The following TMEM132D variants were observed in gnomAD, a reference collection of about 807,000 sequenced individuals.
TMEM132D encodes transmembrane protein 132D, also known as mature OL transmembrane protein.
Under a neutral mutation model 62.3 loss-of-function variants are expected in TMEM132D, and 21 were observed. The observed-to-expected ratio is 0.34, with a 90% CI of 0.24 to 0.49. The LOEUF (loss-of-function observed/expected upper bound fraction) is 0.49, where lower values mean the gene tolerates loss of function less well. Among genes scored for constraint, TMEM132D ranks in the 20% least tolerant of loss-of-function variants. The probability of loss-of-function intolerance (pLI) is 0.99; values close to 1 mark genes in which losing one functional copy is unlikely to be tolerated. For synonymous variants in TMEM132D, 621 were observed against 575.6 expected, an observed-to-expected ratio of 1.08 and a Z score of -1.13; for missense variants, 1,346 against 1,402.8, an observed-to-expected ratio of 0.96 and a Z score of 0.65.
intron 4 of TMEM132D, among the ~76,000 whole-genome samples, chr12:129,244,200 G>A (rs1042769635): frequency 6.7e-5 from 10 of 149,748 alleles, no homozygotes; most frequent in Non-Finnish European, 1.0e-4. Context: ...CCTGGCTAAC[G>A]CGGTGAAACC....
chr12:129,254,705 A>G (rs1338282558), intron 4 of TMEM132D, among the ~76,000 whole-genome samples: 1 of 152,188 alleles, frequency 6.6e-6, no homozygotes, highest in Non-Finnish European at 1.5e-5. Context: ...GACCACATCC[A>G]GCACAGGCAC....
intron 5 of TMEM132D, among the ~76,000 whole-genome samples, chr12:129,183,097 C>T (rs1331041454): frequency 6.6e-6 from 1 of 152,212 alleles, no homozygotes; most frequent in Admixed American, 6.5e-5. Context: ...CTTACCAAAC[C>T]TCTGGTTGCA....
At chr12:129,533,221 C>T (rs986787516) in intron 2 of TMEM132D, among the ~76,000 whole-genome samples, 4 of 152,278 alleles carry the variant, frequency 2.6e-5, no homozygotes, top group Admixed American at 6.5e-5. Context: ...CATGCAAACA[C>T]TTTGAATGCA....
intron 2 of TMEM132D, among the ~76,000 whole-genome samples, chr12:129,696,922 G>A (rs1881221255): frequency 6.6e-6 from 1 of 152,212 alleles, no homozygotes. Flanking sequence ...CAGCAGGGTA[G>A]AACAGAGGTT....
intron 5 of TMEM132D, among the ~76,000 whole-genome samples, chr12:129,140,214 CCACACACA>C (rs58179230): frequency 1.3e-5 from 2 of 148,550 alleles, no homozygotes; most frequent in African/African-American, 2.5e-5. Flanking sequence ...GGCGCTGTTA[CCACACACA>C]CACACACACA....
chr12:129,119,028 A>G (rs1358505694), intron 5 of TMEM132D, among the ~76,000 whole-genome samples: 1 of 152,234 alleles, frequency 6.6e-6, no homozygotes, highest in African/African-American at 2.4e-5. Flanking sequence ...GAGAGGGGCA[A>G]TGACATCTAC....
At chr12:129,439,933 A>G (rs1192886602) in intron 3 of TMEM132D, among the ~76,000 whole-genome samples, 1 of 152,178 alleles carries the variant, frequency 6.6e-6, no homozygotes, top group African/African-American at 2.4e-5. Flanking sequence ...TGCTTGAAGG[A>G]TTATGTCATG....
intron 3 of TMEM132D, among the ~76,000 whole-genome samples, chr12:129,520,000 T>C (rs1269482366): frequency 6.6e-6 from 1 of 152,180 alleles, no homozygotes; most frequent in African/African-American, 2.4e-5. Flanking sequence ...TAAAGGGCTC[T>C]AGGAATATGA....
chr12:129,171,792 A>G (rs752825960), intron 5 of TMEM132D, among the ~76,000 whole-genome samples: 20 of 152,338 alleles, frequency 1.3e-4, no homozygotes, highest in Admixed American at 1.1e-3. Flanking sequence ...TTAGTAAACC[A>G]TGCTACAAAC....
At chr12:129,781,072 G>C (rs192585771) in intron 1 of TMEM132D, among the ~76,000 whole-genome samples, 1 of 152,184 alleles carries the variant, frequency 6.6e-6, no homozygotes, top group African/African-American at 2.4e-5. Flanking sequence ...GAATGACAAG[G>C]AGTTATGCCA....
chr12:129,316,350 T>C (rs1003760180), intron 4 of TMEM132D, among the ~76,000 whole-genome samples: 2 of 152,176 alleles, frequency 1.3e-5, no homozygotes, highest in African/African-American at 2.4e-5. Context: ...TGTGCCATTA[T>C]TGTCATTCGG....
chr12:129,428,210 A>C (rs1028245922), intron 3 of TMEM132D, among the ~76,000 whole-genome samples: 4 of 152,236 alleles, frequency 2.6e-5, no homozygotes, highest in Non-Finnish European at 5.9e-5. Context: ...TTAAAATTGG[A>C]TACTTTAAAA....
intron 1 of TMEM132D, among the ~76,000 whole-genome samples, chr12:129,870,141 C>A (rs1874193056): frequency 6.6e-6 from 1 of 152,104 alleles, no homozygotes; most frequent in African/African-American, 2.4e-5. Flanking sequence ...TGCCACCATG[C>A]CCAGCTAATT....
Position 129,731,914 on chromosome 12 carries a change from G to A in TMEM132D, c.80-31216C>T, listed in dbSNP as rs951901245. Among the ~76,000 whole-genome samples, 21 of 152,174 alleles carry A rather than the reference G, an allele frequency of 1.4e-4. No individual in the cohort carries two copies. In the East Asian group the frequency reaches 3.5e-3, roughly 25 times the overall value. On this transcript the variant is annotated intron_variant, in intron 1 of 8. Coordinates refer to ENST00000422113, the MANE Select transcript of TMEM132D (RefSeq NM_133448.3). ...CCTGACCTTGTGAACCACCTGCTTC[G>A]GCCTCCCAAAGTGCTGGGATTACAG...
chr12:129,361,988 G>T (rs141166487), intron 3 of TMEM132D, among the ~76,000 whole-genome samples: 1 of 152,052 alleles, frequency 6.6e-6, no homozygotes, highest in African/African-American at 2.4e-5. Flanking sequence ...GAGCATTCAC[G>T]ATCTTGTTTA....
intron 5 of TMEM132D, among the ~76,000 whole-genome samples, chr12:129,108,266 C>T (rs552377624): frequency 6.6e-6 from 1 of 152,318 alleles, no homozygotes; most frequent in East Asian, 1.9e-4. Flanking sequence ...TGAGCCATCA[C>T]ATCGTGGCCA....
chr12:129,091,988 G>A (rs779710877), intron 5 of TMEM132D, among the ~76,000 whole-genome samples: 3 of 152,152 alleles, frequency 2.0e-5, no homozygotes, highest in Non-Finnish European at 2.9e-5. Flanking sequence ...GGCAAGATCT[G>A]TCATTACTTC....
intron 1 of TMEM132D, among the ~76,000 whole-genome samples, chr12:129,800,932 C>A (rs912225314): frequency 6.6e-6 from 1 of 152,186 alleles, no homozygotes; most frequent in Non-Finnish European, 1.5e-5. Flanking sequence ...AGTTCCCTTT[C>A]CTAGTTAAAG....
chr12:129,263,136 A>AAAAAAACC (rs1479731029), intron 4 of TMEM132D, among the ~76,000 whole-genome samples: 3 of 152,186 alleles, frequency 2.0e-5, no homozygotes, highest in African/African-American at 7.2e-5. Flanking sequence ...TGCACTTCAC[A>AAAAAAACC]GAGCAATCTC....
Sources: allele counts gnomAD v4.1 joint callset (sites outside exome capture counted in the v4.1 genomes callset), GRCh38; gene constraint gnomAD v4.1.1; transcripts MANE v1.5; gene names NCBI Gene and HGNC (gene_info 2026-07-23, HGNC 2026-07-21).